Variants in DCC observed in about 807,000 individuals in gnomAD.
The protein encoded by DCC is netrin receptor DCC.
A neutral mutation model predicts 172.5 loss-of-function variants in DCC; 58 were observed. The observed-to-expected ratio is 0.34, with a 90% CI of 0.27 to 0.42. The LOEUF (loss-of-function observed/expected upper bound fraction) is 0.42, where lower values mean the gene tolerates loss of function less well. Ranked by LOEUF, DCC falls within the 10% of genes least tolerant of loss-of-function variation. The probability of loss-of-function intolerance (pLI) is 1.00; values close to 1 mark genes in which losing one functional copy is unlikely to be tolerated. For synonymous variants in DCC, 709 were observed against 644.5 expected, an observed-to-expected ratio of 1.10 and a Z score of -1.52; for missense variants, 1,740 against 1,791.0, an observed-to-expected ratio of 0.97 and a Z score of 0.51.
intron 1 of DCC, among the ~76,000 whole-genome samples, chr18:52,391,627 T>C (rs191852628): frequency 1.3e-5 from 2 of 152,092 alleles, no homozygotes; most frequent in African/African-American, 4.8e-5. Flanking sequence ...GAGTGGCTCA[T>C]AGATTCAAAA....
At chr18:52,993,334 A>G (rs1180626626) in intron 5 of DCC, among the ~76,000 whole-genome samples, 2 of 152,180 alleles carry the variant, frequency 1.3e-5, no homozygotes, top group African/African-American at 2.4e-5. Context: ...ACATTTGGCA[A>G]AGGTACAATA....
intron 7 of DCC, among the ~76,000 whole-genome samples, chr18:53,142,548 C>G (rs1253063662): frequency 6.6e-6 from 1 of 152,118 alleles, no homozygotes; most frequent in Non-Finnish European, 1.5e-5. Flanking sequence ...ACCACATTAG[C>G]GCTGATCTTT....
At chr18:53,340,918 T>C (rs1174813442) in intron 15 of DCC, among the ~76,000 whole-genome samples, 1 of 152,114 alleles carries the variant, frequency 6.6e-6, no homozygotes, top group Non-Finnish European at 1.5e-5. Context: ...TGAATTTGAA[T>C]AGCTAAAATG....
At chr18:52,870,704 C>G (rs1488075153) in intron 2 of DCC, among the ~76,000 whole-genome samples, 1 of 121,102 alleles carries the variant, frequency 8.3e-6, no homozygotes, top group African/African-American at 3.1e-5. Context: ...CCCCACCCAG[C>G]AACTGACTCA....
chr18:52,805,205 C>T (rs532998270), intron 2 of DCC, among the ~76,000 whole-genome samples: 1 of 152,306 alleles, frequency 6.6e-6, no homozygotes, highest in African/African-American at 2.4e-5. Flanking sequence ...GGCTTTCCTT[C>T]TCTCTGTGCC....
chr18:53,190,942 C>G (rs1337701941), intron 9 of DCC, among the ~76,000 whole-genome samples: 2 of 152,104 alleles, frequency 1.3e-5, no homozygotes, highest in African/African-American at 4.8e-5. Context: ...CGGACTCCGT[C>G]TTAAGAAACA....
At chr18:53,060,009 A>T (rs542483657) in intron 5 of DCC, among the ~76,000 whole-genome samples, 15 of 146,454 alleles carry the variant, frequency 1.0e-4, no homozygotes, top group African/African-American at 3.0e-4. Context: ...ACTTAGACTC[A>T]TTTTTTTTTT....
chr18:53,360,180 T>C (rs2144929371), intron 15 of DCC, among the ~76,000 whole-genome samples: 1 of 152,266 alleles, frequency 6.6e-6, no homozygotes, highest in South Asian at 2.1e-4. Context: ...TGTGTTTTAA[T>C]CAGTACTTTG....
intron 1 of DCC, among the ~76,000 whole-genome samples, chr18:52,654,204 A>G (rs2035200194): frequency 1.3e-5 from 2 of 152,150 alleles, no homozygotes; most frequent in South Asian, 4.1e-4. Flanking sequence ...GCCTGGAGAA[A>G]CATACAGTTT....
At chr18:53,233,007 T>C (rs2056146755) in intron 12 of DCC, among the ~76,000 whole-genome samples, 1 of 152,060 alleles carries the variant, frequency 6.6e-6, no homozygotes, top group Non-Finnish European at 1.5e-5. Context: ...TTGTGGTTGA[T>C]CAAGTGACTA....
chr18:52,781,615 A>G (rs1267548303), intron 2 of DCC, among the ~76,000 whole-genome samples: 1 of 151,820 alleles, frequency 6.6e-6, no homozygotes, highest in Non-Finnish European at 1.5e-5. Flanking sequence ...CATCCACTTC[A>G]TCCTCCAGTC....
intron 13 of DCC, among the ~76,000 whole-genome samples, chr18:53,314,984 C>A (rs1296493637): frequency 6.6e-6 from 1 of 152,028 alleles, no homozygotes; most frequent in Non-Finnish European, 1.5e-5. Context: ...ATTATTATAA[C>A]TTAAGTTCTG....
rs143326841 is a variant in DCC at position 53,118,675 on chromosome 18, C to T, written c.1262-38681C>T. Among the ~76,000 whole-genome samples, 827 of 151,730 alleles carry T rather than the reference C, an allele frequency of 5.5e-3. 8 individuals are homozygous for T. The highest frequency in any genetic ancestry group is 0.024 in the Middle Eastern group (7 of 294). On this transcript the variant is annotated intron_variant, in intron 7 of 28. Transcript: ENST00000442544. ...AGTCCTTTATGTGGGACAGGCAATG[C>T]GCTAAACACTTTAAATACATTATTA...
chr18:52,867,284 T>A (rs971683049), intron 2 of DCC, among the ~76,000 whole-genome samples: 1 of 152,218 alleles, frequency 6.6e-6, no homozygotes, highest in African/African-American at 2.4e-5. Flanking sequence ...GGTTTGCCAG[T>A]ATTTTATTGA....
chr18:53,507,333 A>G (rs1457133791), intron 27 of DCC, among the ~76,000 whole-genome samples: 1 of 152,224 alleles, frequency 6.6e-6, no homozygotes, highest in Non-Finnish European at 1.5e-5. Context: ...GCAAACAAAA[A>G]GTCTCTGTCA....
At chr18:52,605,360 C>T (rs2144825426) in intron 1 of DCC, among the ~76,000 whole-genome samples, 1 of 152,206 alleles carries the variant, frequency 6.6e-6, no homozygotes, top group Middle Eastern at 3.4e-3. Context: ...AGTGGTACAG[C>T]TAAACCAGGA....
At chr18:52,816,553 G>T (rs2038300451) in intron 2 of DCC, 1 of 152,000 alleles carries the variant, frequency 6.6e-6, no homozygotes, top group African/African-American at 2.4e-5. Context: ...AGAACCTGCT[G>T]TTTTTTCCTC....
intron 12 of DCC, among the ~76,000 whole-genome samples, chr18:53,236,041 T>G (rs1453775670): frequency 2.6e-5 from 4 of 152,178 alleles, no homozygotes; most frequent in African/African-American, 9.6e-5. Context: ...CAGATAAAAC[T>G]GCTGCCACAC....
chr18:52,985,038 T>G (rs2041270425), intron 5 of DCC, among the ~76,000 whole-genome samples: 1 of 152,110 alleles, frequency 6.6e-6, no homozygotes, highest in Non-Finnish European at 1.5e-5. Context: ...AAAGTGAAAA[T>G]ACATTTTTCT....
Sources: allele counts gnomAD v4.1 joint callset (sites outside exome capture counted in the v4.1 genomes callset), GRCh38; gene constraint gnomAD v4.1.1; transcripts MANE v1.5; gene names NCBI Gene and HGNC (gene_info 2026-07-23, HGNC 2026-07-21).